Variants in IMMP2L observed in about 807,000 individuals in gnomAD.
IMMP2L encodes the protein inner mitochondrial membrane peptidase subunit 2.
A neutral mutation model predicts 19.3 loss-of-function variants in IMMP2L; 18 were observed. That is an observed-to-expected ratio of 0.93 (90% confidence interval 0.64 to 1.38). The LOEUF is 1.38. Among genes scored for constraint, IMMP2L ranks in the 40% most tolerant of loss-of-function variants. The probability of loss-of-function intolerance (pLI) is 0.00; values close to 1 mark genes in which losing one functional copy is unlikely to be tolerated. For missense variants in IMMP2L, 233 were observed against 218.2 expected, an observed-to-expected ratio of 1.07 and a Z score of -0.43; for synonymous variants, 76 against 73.0, an observed-to-expected ratio of 1.04 and a Z score of -0.21.
At chr7:111,375,571 G>GA (rs887286985) in intron 3 of IMMP2L, among the ~76,000 whole-genome samples, 2 of 151,874 alleles carry the variant, frequency 1.3e-5, no homozygotes, top group Admixed American at 1.3e-4. Context: ...TTTCACCCAG[G>GA]ATGGAGTGCA....
chr7:110,839,088 TTTC>T (rs542462022), intron 5 of IMMP2L, among the ~76,000 whole-genome samples: 71 of 152,274 alleles, frequency 4.7e-4, no homozygotes, highest in Admixed American at 1.1e-3. Context: ...GACCCTTAAA[TTTC>T]TTCATTTGAA....
intron 3 of IMMP2L, among the ~76,000 whole-genome samples, chr7:111,437,085 A>G (rs749431069): frequency 1.1e-4 from 17 of 151,808 alleles, no homozygotes; most frequent in Non-Finnish European, 1.8e-4. Context: ...GAGCAGACAA[A>G]CATCCAAACT....
intron 5 of IMMP2L, among the ~76,000 whole-genome samples, chr7:110,796,942 T>G (rs1800903603): frequency 6.6e-6 from 1 of 152,084 alleles, no homozygotes; most frequent in South Asian, 2.1e-4. Flanking sequence ...CAGCAAGTAT[T>G]GAGTTGATTC....
intron 3 of IMMP2L, among the ~76,000 whole-genome samples, chr7:111,280,799 G>A (rs1027178188): frequency 5.9e-5 from 9 of 152,126 alleles, no homozygotes; most frequent in Non-Finnish European, 1.3e-4. Context: ...GCCGGGTGCG[G>A]TGGCTCAGGC....
intron 5 of IMMP2L, among the ~76,000 whole-genome samples, chr7:110,774,879 T>C (rs1275754220): frequency 1.3e-5 from 2 of 152,088 alleles, no homozygotes; most frequent in African/African-American, 2.4e-5. Context: ...ACTGTACTTA[T>C]GTGTAGAAAT....
chr7:110,851,900 C>T (rs949835710), intron 5 of IMMP2L, among the ~76,000 whole-genome samples: 2 of 151,960 alleles, frequency 1.3e-5, no homozygotes, highest in Non-Finnish European at 2.9e-5. Context: ...ATTTCAGTGT[C>T]GTTCTATTTC....
At chr7:110,900,772 T>C (rs1389912678) in intron 4 of IMMP2L, among the ~76,000 whole-genome samples, 1 of 152,182 alleles carries the variant, frequency 6.6e-6, no homozygotes, top group Non-Finnish European at 1.5e-5. Flanking sequence ...CATTTTGCTA[T>C]TGTGACAACT....
At chr7:111,348,198 T>C (rs1827768186) in intron 3 of IMMP2L, among the ~76,000 whole-genome samples, 2 of 149,398 alleles carry the variant, frequency 1.3e-5, no homozygotes, top group Non-Finnish European at 3.0e-5. Context: ...AATGATGAGT[T>C]GATGGGTGCA....
chr7:111,017,565 T>C (rs971383695), intron 3 of IMMP2L, among the ~76,000 whole-genome samples: 3 of 152,256 alleles, frequency 2.0e-5, no homozygotes, highest in Middle Eastern at 3.4e-3. Flanking sequence ...ATATGGAAAT[T>C]GTCTGACATC....
chr7:111,128,798 C>T (rs1339322389), intron 3 of IMMP2L, among the ~76,000 whole-genome samples: 1 of 152,144 alleles, frequency 6.6e-6, no homozygotes, highest in Admixed American at 6.5e-5. Flanking sequence ...GCATGCCACG[C>T]TGGCAACAGA....
At chr7:111,104,652 A>G (rs1798345673) in intron 3 of IMMP2L, among the ~76,000 whole-genome samples, 1 of 151,840 alleles carries the variant, frequency 6.6e-6, no homozygotes, top group Non-Finnish European at 1.5e-5. Flanking sequence ...AATGCTAAAG[A>G]AAAATTTTTA....
intron 5 of IMMP2L, among the ~76,000 whole-genome samples, chr7:110,864,185 A>C (rs373419497): frequency 2.0e-5 from 3 of 152,264 alleles, no homozygotes; most frequent in African/African-American, 7.2e-5. Flanking sequence ...ATAAAAAGAA[A>C]AATACCAAAG....
intron 3 of IMMP2L, among the ~76,000 whole-genome samples, chr7:111,484,871 C>G (rs535059544): frequency 6.6e-6 from 1 of 152,078 alleles, no homozygotes; most frequent in Non-Finnish European, 1.5e-5. Flanking sequence ...ACTGCAGTCT[C>G]GACCTCCCAG....
chr7:110,723,282 G>A (rs989120913), intron 5 of IMMP2L, among the ~76,000 whole-genome samples: 1 of 152,106 alleles, frequency 6.6e-6, no homozygotes, highest in African/African-American at 2.4e-5. Context: ...AAGCAAAGAT[G>A]ACGACTAGAA....
intron 5 of IMMP2L, among the ~76,000 whole-genome samples, chr7:110,826,383 C>T (rs56243035): frequency 7.2e-4 from 110 of 152,176 alleles, no homozygotes; most frequent in Admixed American, 3.7e-3. Context: ...AAGACACATG[C>T]ACACATATGT....
At chr7:111,195,955 C>G (rs1464469024) in intron 3 of IMMP2L, among the ~76,000 whole-genome samples, 1 of 152,062 alleles carries the variant, frequency 6.6e-6, no homozygotes, top group Non-Finnish European at 1.5e-5. Flanking sequence ...CACCCTCGAA[C>G]TCCTGGGCTC....
intron 3 of IMMP2L, among the ~76,000 whole-genome samples, chr7:111,254,134 TTC>T (rs1172557004): frequency 1.3e-5 from 2 of 152,158 alleles, no homozygotes; most frequent in Non-Finnish European, 2.9e-5. Flanking sequence ...TGAATGAGAT[TTC>T]TGAGTGATAA....
rs906031471 is a variant in IMMP2L at position 111,342,570 on chromosome 7, G to A, written c.239+144668C>T. Among the ~76,000 whole-genome samples the A allele has an allele frequency of 4.0e-5, 6 of 151,776 alleles. No homozygotes were observed. In the East Asian group the frequency reaches 5.8e-4, roughly 15 times the overall value. ...TCTCAACACTGCACTCCAGTCTGGC[G>A]ACAGAGTGAGACTCCATCTCAAAAA... On this transcript the variant is annotated intron_variant, in intron 3 of 5. Transcript: ENST00000405709.
intron 3 of IMMP2L, among the ~76,000 whole-genome samples, chr7:111,303,819 G>C (rs1329908462): frequency 6.6e-6 from 1 of 151,818 alleles, no homozygotes; most frequent in Non-Finnish European, 1.5e-5. Context: ...TTTTTGGTGA[G>C]ACCTCATCAT....
Sources: gnomAD v4.1 joint callset for allele counts (sites outside exome capture counted in the v4.1 genomes callset) on GRCh38, gnomAD v4.1.1 for gene constraint, MANE v1.5 for transcripts, NCBI Gene and HGNC (gene_info 2026-07-23, HGNC 2026-07-21) for gene names.